Variants in CFAP300 observed in about 807,000 individuals in gnomAD.
The protein encoded by CFAP300 is cilia and flagella associated protein 300, also known as cilia- and flagella-associated protein 300.
Under a neutral mutation model 33.0 loss-of-function variants are expected in CFAP300, and 32 were observed. That is an observed-to-expected ratio of 0.97 (90% CI 0.73 to 1.30). CFAP300 has a LOEUF of 1.30. Among genes scored for constraint, CFAP300 ranks in the 50% most tolerant of loss-of-function variants. The pLI, the probability that CFAP300 is intolerant of heterozygous loss-of-function variation, is 0.00. For synonymous variants in CFAP300, 102 were observed against 106.8 expected (o/e 0.95, Z 0.28); for missense variants, 356 against 318.1 (o/e 1.12, Z -0.90).
At chr11:102,055,575 T>G (rs1181719814) in intron 2 of CFAP300, among the ~76,000 whole-genome samples, 3 of 150,722 alleles carry the variant, frequency 2.0e-5, no homozygotes, top group Admixed American at 1.3e-4. Context: ...CTCAGGCTGG[T>G]CTCGAACTCC....
chr11:102,078,111 T>G (rs1467527787), intron 5 of CFAP300, among the ~76,000 whole-genome samples: 3 of 152,152 alleles, frequency 2.0e-5, no homozygotes, highest in Admixed American at 6.5e-5. Context: ...CAGGCTGGTC[T>G]CAAACTTCTG....
chr11:102,067,312 C>T (rs1942243955), intron 4 of CFAP300, among the ~76,000 whole-genome samples: 1 of 152,166 alleles, frequency 6.6e-6, no homozygotes. Flanking sequence ...GAGCTGTGAT[C>T]ATGCCACTGC....
chr11:102,078,437 T>C lies in CFAP300; in HGVS notation c.608+2392T>C, dbSNP rs976906386. 3.2e-4 allele frequency among the ~76,000 whole-genome samples: 48 copies of C among 152,226 alleles called. 3 individuals carry two copies. ...GTTAGTGATGGATAAAGATCTGATATAATGCAATTATTAGTAGAACACCAT... is the reference window on the plus strand; with the variant it reads ...GTTAGTGATGGATAAAGATCTGATACAATGCAATTATTAGTAGAACACCAT... On this transcript the variant is annotated intron_variant, in intron 5 of 6. Transcript: ENST00000434758.
chr11:102,059,475 C>G (rs1423673391), intron 3 of CFAP300, among the ~76,000 whole-genome samples: 2 of 151,894 alleles, frequency 1.3e-5, no homozygotes, highest in Non-Finnish European at 2.9e-5. Flanking sequence ...ATGGTGAAAC[C>G]CCATCTCTAC....
chr11:102,063,746 G>A (rs2135030309), intron 3 of CFAP300, among the ~76,000 whole-genome samples: 1 of 152,282 alleles, frequency 6.6e-6, no homozygotes, highest in Non-Finnish European at 1.5e-5. Context: ...TTGAGCCCAG[G>A]AAGTTGAGGC....
intron 1 of CFAP300, 43 bp downstream of exon 1, chr11:102,047,623 C>A: frequency 6.6e-7 from 1 of 1,521,234 alleles, no homozygotes; most frequent in South Asian, 1.2e-5. Context: ...CCTTGGTCTT[C>A]GCGGCTGTGG....
At chr11:102,079,600 C>T (rs1942446259) in intron 5 of CFAP300, among the ~76,000 whole-genome samples, 1 of 152,166 alleles carries the variant, frequency 6.6e-6, no homozygotes, top group South Asian at 2.1e-4. Flanking sequence ...ACTGAGTCTT[C>T]CTTTTTCCTC....
chr11:102,060,374 C>G (rs1942131900), intron 3 of CFAP300, among the ~76,000 whole-genome samples: 1 of 151,792 alleles, frequency 6.6e-6, no homozygotes, highest in African/African-American at 2.4e-5. Flanking sequence ...GCCTTGGCCT[C>G]CCAAAGTGCT....
At chr11:102,074,241 T>C (rs912090428) in intron 4 of CFAP300, among the ~76,000 whole-genome samples, 1 of 152,152 alleles carries the variant, frequency 6.6e-6, no homozygotes, top group South Asian at 2.1e-4. Flanking sequence ...GGAGCCAGCA[T>C]GAGTTCCTCT....
intron 2 of CFAP300, among the ~76,000 whole-genome samples, chr11:102,048,396 T>A (rs959144410): frequency 5.6e-5 from 7 of 124,286 alleles, no homozygotes; most frequent in East Asian, 3.4e-4. Context: ...TTAAAAAAAA[T>A]TTTTTTAGAG....
intron 3 of CFAP300, 105 bp from the exon 4 acceptor site, chr11:102,066,380 T>G: frequency 1.5e-6 from 1 of 674,846 alleles, no homozygotes; most frequent in Non-Finnish European, 2.3e-6. Context: ...AAATGTCATA[T>G]TTGTTAACTT....
chr11:102,081,180 T>C (rs370591472), intron 5 of CFAP300, 35 bp from the exon 6 acceptor site: 82 of 1,506,718 alleles, frequency 5.4e-5, no homozygotes, highest in Non-Finnish European at 7.0e-5. Context: ...CAATGCCTAT[T>C]ATATGTTAAA....
At chr11:102,059,616 T>G (rs538426258) in intron 3 of CFAP300, among the ~76,000 whole-genome samples, 1 of 152,032 alleles carries the variant, frequency 6.6e-6, no homozygotes, top group South Asian at 2.1e-4. Context: ...GTCACTGCCC[T>G]CCACCCTGGG....
rs1410309162 is a variant in CFAP300 at position 102,058,926 on chromosome 11, C to T, written c.239C>T (p.Ser80Leu). Residue 80 changes from serine to leucine, a missense_variant, in exon 3 of 7, where the codon TCA (serine) becomes TTA (leucine). Physicochemically the swap from Ser to Leu is moderately radical, Grantham distance 145. Coordinates refer to ENST00000434758, the MANE Select transcript of CFAP300 (RefSeq NM_032930.3). Reference protein sequence around the residue: ...PNVIPNLKLLSDSSGQWIILG... With the variant: ...PNVIPNLKLLLDSSGQWIILG... ...GTTATTCCCAATTTGAAGTTACTTT[C>T]AGATTCTTCTGGACAATGGATCATA... is the stretch of plus-strand genomic sequence containing the variant. The T allele has an allele frequency of 6.3e-7, 1 of 1,588,306 alleles. No homozygotes were observed. Among genetic ancestry groups the T allele is most frequent in the Admixed American group, 1.8e-5 (1 of 55,670 alleles).
At chr11:102,077,442 G>T (rs1199860204) in intron 5 of CFAP300, among the ~76,000 whole-genome samples, 1 of 152,162 alleles carries the variant, frequency 6.6e-6, no homozygotes, top group Admixed American at 6.5e-5. Flanking sequence ...TACATGTTGG[G>T]AGCACACTAC....
intron 2 of CFAP300, among the ~76,000 whole-genome samples, chr11:102,057,675 G>A (rs139082314): frequency 1.7e-4 from 26 of 152,306 alleles, no homozygotes; most frequent in African/African-American, 4.8e-4. Flanking sequence ...GATAGTAAGC[G>A]TGGGACCTAG....
At chr11:102,078,406 G>A (rs1942429695) in intron 5 of CFAP300, among the ~76,000 whole-genome samples, 1 of 152,148 alleles carries the variant, frequency 6.6e-6, no homozygotes, top group Non-Finnish European at 1.5e-5. Context: ...GTTATCAGAG[G>A]ATGGAGTTAG....
chr11:102,074,717 CTTTTTTT>C (rs550128294), intron 4 of CFAP300, among the ~76,000 whole-genome samples: 29 of 143,242 alleles, frequency 2.0e-4, no homozygotes, highest in Admixed American at 8.5e-4. Context: ...ATTTCACATT[CTTTTTTT>C]TTTTTTCCTC....
intron 2 of CFAP300, among the ~76,000 whole-genome samples, chr11:102,055,002 A>T (rs1942028505): frequency 1.4e-5 from 2 of 148,108 alleles, no homozygotes; most frequent in Middle Eastern, 6.3e-3. Context: ...TTTTTTGAAG[A>T]CAGAGTCTCT....
Sources: gnomAD v4.1 joint callset for allele counts (sites outside exome capture counted in the v4.1 genomes callset) on GRCh38, gnomAD v4.1.1 for gene constraint, MANE v1.5 for transcripts, NCBI Gene and HGNC (gene_info 2026-07-23, HGNC 2026-07-21) for gene names.